ZBED3: variants seen among roughly 807,000 people sequenced by gnomAD.
ZBED3 encodes zinc finger BED domain-containing protein 3.
For synonymous variants in ZBED3, 175 were observed against 180.0 expected (o/e 0.97, Z 0.22); for missense variants, 388 against 362.9 (o/e 1.07, Z -0.56).
Position 77,077,482 on chromosome 5 carries a change from G to GCAGGCGCGCC in ZBED3, c.387_396dup (p.Leu133GlyfsTer74). 8.4e-7 allele frequency: 1 copy of GCAGGCGCGCC among 1,191,708 alleles called. No homozygotes were observed. Among genetic ancestry groups the GCAGGCGCGCC allele is most frequent in the Non-Finnish European group, 1.0e-6 (1 of 965,566 alleles). The allele number at this position is 1,191,708 out of a possible 1,614,324, so 73.8% of individuals were successfully genotyped here. A position where few individuals can be genotyped will look rare whatever the true frequency, so the allele number is the denominator to read the frequency against. ...ACGGCCAGCGCGCCCATCTGTTCCA[G>GCAGGCGCGCC]CAGGCGCGCCCAGTCGCCCTCGGGG... is the stretch of plus-strand genomic sequence containing the variant. On this transcript the variant is annotated frameshift_variant, in exon 3 of 3. Coordinates refer to ENST00000255198, the MANE Select transcript of ZBED3 (RefSeq NM_032367.4). LOFTEE classifies it low-confidence loss of function (END_TRUNC).
Position 77,072,927 on chromosome 5 carries a change from C to G in ZBED3, c.*4247G>C, listed in dbSNP as rs937675962. The stretch of plus-strand genomic sequence containing the variant: ...CAGTGGACAAGTCACTCTCTAGAAC[C>G]TATTTTCCTAATCTATCAAATGATG... On this transcript the variant is annotated 3_prime_UTR_variant, in exon 3 of 3. Transcript: ENST00000255198. 3.3e-5 allele frequency: 5 copies of G among 152,182 alleles called. No homozygotes were observed. The highest frequency in any genetic ancestry group is 1.2e-4 in the African/African-American group (5 of 41,436). 9.4% of individuals were successfully genotyped at this position (152,182 alleles called of 1,614,324 possible). A position where few individuals can be genotyped will look rare whatever the true frequency, so the allele number is the denominator to read the frequency against.
In ZBED3 at chr5:77,077,811, C is replaced by T; in HGVS notation, c.68G>A (p.Gly23Asp). 7.7e-7 allele frequency: 1 copy of T among 1,297,974 alleles called. No individual in the cohort carries two copies. The highest frequency in any genetic ancestry group is 3.1e-5 in the East Asian group (1 of 32,242). The allele number at this position is 1,297,974 out of a possible 1,614,324, so 80.4% of individuals were successfully genotyped here. A position where few individuals can be genotyped will look rare whatever the true frequency, so the allele number is the denominator to read the frequency against. The change falls in exon 3 of 3, where the codon GGC becomes GAC. Residue 23 changes from glycine to aspartate, a missense_variant. Physicochemically the swap from Gly to Asp is moderately conservative, Grantham distance 94 (BLOSUM62 -1). Transcript: ENST00000255198. ...CGGCCCCAGTCCCGGACACTGACCG[C>T]CCCGCGCCGCCGCGTCGTCCAGCCC... ...ARGLDDAAAR[G>D]GQCPGLGPAP... is the part of the protein sequence containing the mutation.
In ZBED3 at chr5:77,077,088, G is replaced by A. The variant is rs372242989; in HGVS notation, c.*86C>T. The A allele has an allele frequency of 6.5e-6, 7 of 1,069,374 alleles. No homozygotes were observed. The African/African-American group carries it at 9.9e-5, about 15-fold the overall frequency. The allele number at this position is 1,069,374 out of a possible 1,614,324, so 66.2% of individuals were successfully genotyped here. On this transcript the variant is annotated 3_prime_UTR_variant, in exon 3 of 3. Transcript: ENST00000255198. ...GAGTAGCGGCTGCGGGCCTGGCTTCGGTTACGGCTTCGGTCCCAGCGGGGT... is the reference window on the plus strand; with the variant it reads ...GAGTAGCGGCTGCGGGCCTGGCTTCAGTTACGGCTTCGGTCCCAGCGGGGT...
Position 77,077,379 on chromosome 5 carries a change from C to A in ZBED3, c.500G>T (p.Arg167Met). The change falls in exon 3 of 3, where the codon AGG becomes ATG. Residue 167 changes from arginine (R) to methionine (M), a missense_variant. Physicochemically the swap from Arg to Met is moderately conservative, Grantham distance 91. Coordinates refer to ENST00000255198, the MANE Select transcript of ZBED3 (RefSeq NM_032367.4). ...CTCTTCCTCCTGCAGCGCCCTCCGCCTCCGCTCCAGGGCGCGCTCGCCCTG... is the reference window on the plus strand; with the variant it reads ...CTCTTCCTCCTGCAGCGCCCTCCGCATCCGCTCCAGGGCGCGCTCGCCCTG... ...VEQGERALER[R>M]RRALQEEERA... The A allele has an allele frequency of 8.0e-7, 1 of 1,254,456 alleles. No individual in the cohort carries two copies. The allele number at this position is 1,254,456 out of a possible 1,614,324, so 77.7% of individuals were successfully genotyped here. A position where few individuals can be genotyped will look rare whatever the true frequency, so the allele number is the denominator to read the frequency against.
In ZBED3 at chr5:77,077,809, C is replaced by G. The variant is rs1174551837; in HGVS notation, c.70G>C (p.Gly24Arg). The G allele has an allele frequency of 7.7e-7, 1 of 1,297,588 alleles. No homozygotes were observed. The highest frequency in any genetic ancestry group is 1.5e-5 in the African/African-American group (1 of 64,648). The allele number at this position is 1,297,588 out of a possible 1,614,324, so 80.4% of individuals were successfully genotyped here. A position where few individuals can be genotyped will look rare whatever the true frequency, so the allele number is the denominator to read the frequency against. The change falls in exon 3 of 3, where the codon GGT (glycine) becomes CGT (arginine). Residue 24 changes from glycine (G) to arginine (R), a missense_variant. Coordinates refer to ENST00000255198, the MANE Select transcript of ZBED3 (RefSeq NM_032367.4). ...RGLDDAAARG[G>R]QCPGLGPAPT... ...GCCGGCCCCAGTCCCGGACACTGAC[C>G]GCCCCGCGCCGCCGCGTCGTCCAGC...
Position 77,075,935 on chromosome 5 carries a change from TTATATATACATA to T in ZBED3, c.*1227_*1238del, listed in dbSNP as rs1330354647. Reference sequence around the variant, plus strand: ...GACATGCACCCTAGAACTTAAAGTATTATATATACATATATATATATATATATATATGTATAT... The same window carrying T: ...GACATGCACCCTAGAACTTAAAGTATTATATATATATATATATATGTATAT... On this transcript the variant is annotated 3_prime_UTR_variant, in exon 3 of 3. Transcript: ENST00000255198. 59 of 21,162 alleles carry T rather than the reference TTATATATACATA, an allele frequency of 2.8e-3. 19 individuals carry two copies. Among genetic ancestry groups the T allele is most frequent in the African/African-American group, 6.7e-3 (50 of 7,472 alleles). The allele number at this position is 21,162 out of a possible 1,614,324, so 1.3% of individuals were successfully genotyped here.
rs1210235734 is a variant in ZBED3, at chr5:77,075,967, G to GTA, written c.*1205_*1206dup. On this transcript the variant is annotated 3_prime_UTR_variant, in exon 3 of 3. Transcript: ENST00000255198. ...TACATATATATATATATATATATAT[G>GTA]TATATGTATATATGTATATATATAT... is the stretch of plus-strand genomic sequence containing the variant. 0.013 allele frequency: 389 copies of GTA among 30,620 alleles called. 93 individuals carry two copies. The highest frequency in any genetic ancestry group is 0.033 in the Middle Eastern group (2 of 60). 1.9% of individuals were successfully genotyped at this position (30,620 alleles called of 1,614,324 possible). A position where few individuals can be genotyped will look rare whatever the true frequency, so the allele number is the denominator to read the frequency against.
chr5:77,077,627 C>A lies in ZBED3; in HGVS notation c.252G>T (p.Ala84=), dbSNP rs776015044. 24 of 1,411,608 alleles carry A rather than the reference C, an allele frequency of 1.7e-5. 1 individual carries two copies. Among genetic ancestry groups the A allele is most frequent in the Middle Eastern group, 2.6e-4 (1 of 3,920 alleles). The allele number at this position is 1,411,608 out of a possible 1,614,324, so 87.4% of individuals were successfully genotyped here. A position where few individuals can be genotyped will look rare whatever the true frequency, so the allele number is the denominator to read the frequency against. The change falls in exon 3 of 3, where the codon GCG becomes GCT. Residue 84 remains alanine (A), a synonymous_variant. Coordinates refer to ENST00000255198, the MANE Select transcript of ZBED3 (RefSeq NM_032367.4). ...EQVGRGPGFH[A]GTSALWRHLR... ...GGTGCCTCCACAACGCCGAGGTCCCCGCGTGGAAGCCCGGGCCGCGGCCCA... is the reference window on the plus strand; with the variant it reads ...GGTGCCTCCACAACGCCGAGGTCCCAGCGTGGAAGCCCGGGCCGCGGCCCA...
chr5:77,077,883 C>T lies in ZBED3; in HGVS notation c.-5G>A. On this transcript the variant is annotated 5_prime_UTR_variant, in exon 3 of 3. Transcript: ENST00000255198. ...GGCCGGCTCGCCACTCCTCATTCTG[C>T]GGCGCCCGCACGCTGGGGAGCAGGG... 8.0e-7 allele frequency: 1 copy of T among 1,254,026 alleles called. No homozygotes were observed. The highest frequency in any genetic ancestry group is 1.0e-6 in the Non-Finnish European group (1 of 1,001,740). The allele number at this position is 1,254,026 out of a possible 1,614,324, so 77.7% of individuals were successfully genotyped here.
chr5:77,082,096 GTC>G (rs1743139425), intron 1 of ZBED3, among the ~76,000 whole-genome samples: 1 of 151,998 alleles, frequency 6.6e-6, no homozygotes. Flanking sequence ...GTGAAACCCT[GTC>G]TCTACTAAAA....
intron 1 of ZBED3, among the ~76,000 whole-genome samples, chr5:77,080,872 A>G (rs935072798): frequency 6.6e-6 from 1 of 152,256 alleles, no homozygotes; most frequent in Admixed American, 6.5e-5. Flanking sequence ...AACATGGCAC[A>G]TGTATACATA....
chr5:77,076,421 A>ATGTC lies in ZBED3; in HGVS notation c.*749_*752dup, dbSNP rs1743005017. 6.6e-6 allele frequency: 1 copy of ATGTC among 152,172 alleles called. No individual in the cohort carries two copies. The highest frequency in any genetic ancestry group is 1.5e-5 in the Non-Finnish European group (1 of 68,074). 9.4% of individuals were successfully genotyped at this position (152,172 alleles called of 1,614,324 possible). A position where few individuals can be genotyped will look rare whatever the true frequency, so the allele number is the denominator to read the frequency against. ...TTCCTAGTGACAAGGGGATGAGGTG[A>ATGTC]TGTCTTGCTAAGGTGGCAGATGTGA... On this transcript the variant is annotated 3_prime_UTR_variant, in exon 3 of 3. Transcript: ENST00000255198.
chr5:77,081,032 G>A (rs758284742), intron 1 of ZBED3, among the ~76,000 whole-genome samples: 1 of 152,096 alleles, frequency 6.6e-6, no homozygotes, highest in Non-Finnish European at 1.5e-5. Context: ...CACACAAAGA[G>A]CTCTTCAAAC....
At chr5:77,081,821 C>A (rs1743135038) in intron 1 of ZBED3, among the ~76,000 whole-genome samples, 1 of 152,172 alleles carries the variant, frequency 6.6e-6, no homozygotes, top group Non-Finnish European at 1.5e-5. Flanking sequence ...CATTGTGCAC[C>A]TGCTAAGGTC....
chr5:77,075,954 T>C lies in ZBED3; in HGVS notation c.*1220A>G, dbSNP rs1284772492. 1.1e-3 allele frequency: 37 copies of C among 34,110 alleles called. 8 individuals carry two copies. Among genetic ancestry groups the C allele is most frequent in the Non-Finnish European group, 7.7e-4 (12 of 15,504 alleles). 2.1% of individuals were successfully genotyped at this position (34,110 alleles called of 1,614,324 possible). ...AAAGTATTATATATACATATATATA[T>C]ATATATATATATGTATATGTATATA... On this transcript the variant is annotated 3_prime_UTR_variant, in exon 3 of 3. Coordinates refer to ENST00000255198, the MANE Select transcript of ZBED3 (RefSeq NM_032367.4).
intron 1 of ZBED3, among the ~76,000 whole-genome samples, chr5:77,085,296 G>C (rs901357890): frequency 1.3e-5 from 2 of 152,210 alleles, no homozygotes; most frequent in African/African-American, 4.8e-5. Context: ...CACAAGGTAT[G>C]ACTATAATAT....
At position 77,074,958 on chromosome 5, in the gene ZBED3, G is replaced by A. The variant is rs1418079492; in HGVS notation, c.*2216C>T. ...GTGTGTAGTATGTGCCTGATACATT[G>A]TTAGTGCCCAGTAAATGTTAGTTAT... On this transcript the variant is annotated 3_prime_UTR_variant, in exon 3 of 3. Transcript: ENST00000255198. 6.6e-6 allele frequency: 1 copy of A among 152,192 alleles called. No homozygotes were observed. Among genetic ancestry groups the A allele is most frequent in the Non-Finnish European group, 1.5e-5 (1 of 68,050 alleles). 9.4% of individuals were successfully genotyped at this position (152,192 alleles called of 1,614,324 possible). A position where few individuals can be genotyped will look rare whatever the true frequency, so the allele number is the denominator to read the frequency against.
Position 77,076,601 on chromosome 5 carries a change from G to T in ZBED3, c.*573C>A, listed in dbSNP as rs1580144684. ...TGCCCCGATGAGGGCTAGAGATGAT[G>T]CGGGTCTACAGCAGTCATGGAAACT... On this transcript the variant is annotated 3_prime_UTR_variant, in exon 3 of 3. Coordinates refer to ENST00000255198, the MANE Select transcript of ZBED3 (RefSeq NM_032367.4). 6.6e-6 allele frequency: 1 copy of T among 152,286 alleles called. No individual in the cohort carries two copies. The highest frequency in any genetic ancestry group is 6.5e-5 in the Admixed American group (1 of 15,296). The allele number at this position is 152,286 out of a possible 1,614,324, so 9.4% of individuals were successfully genotyped here.
At chr5:77,080,468 G>C (rs748350963) in intron 1 of ZBED3, 1 of 512,766 alleles carries the variant, frequency 2.0e-6, no homozygotes, top group African/African-American at 1.9e-5. Context: ...CCCCTCCAAG[G>C]GTGGCAAGGG....
Sources: allele counts gnomAD v4.1 joint callset (sites outside exome capture counted in the v4.1 genomes callset), GRCh38; gene constraint gnomAD v4.1.1; transcripts MANE v1.5; gene names NCBI Gene and HGNC (gene_info 2026-07-23, HGNC 2026-07-21).